The following RTN4RL1 variants were observed in gnomAD, a reference collection of about 807,000 sequenced individuals.
The protein encoded by RTN4RL1 is reticulon 4 receptor like 1.
Under a neutral mutation model 25.6 loss-of-function variants are expected in RTN4RL1, and 7 were observed. The ratio of observed to expected loss-of-function variants is 0.27; its 90% CI spans 0.16 to 0.51. The LOEUF (loss-of-function observed/expected upper bound fraction) is 0.51. Among genes scored for constraint, RTN4RL1 ranks in the 20% least tolerant of loss-of-function variants. RTN4RL1 has a pLI of 0.97. For synonymous variants in RTN4RL1, 297 were observed against 288.2 expected (o/e 1.03, Z -0.31); for missense variants, 500 against 615.6 (o/e 0.81, Z 1.99).
chr17:1,972,555 C>G (rs1156845330), intron 1 of RTN4RL1, among the ~76,000 whole-genome samples: 1 of 152,134 alleles, frequency 6.6e-6, no homozygotes, highest in Non-Finnish European at 1.5e-5. Flanking sequence ...AACGCCCTCT[C>G]TACCCTCTGT....
At position 2,009,674 on chromosome 17, in the gene RTN4RL1, T is replaced by C. The variant is rs962024761; in HGVS notation, c.13+15179A>G. Among the ~76,000 whole-genome samples the C allele has an allele frequency of 1.6e-5, 2 of 125,602 alleles. 1 individual carries two copies. The highest frequency in any genetic ancestry group is 3.3e-5 in the Non-Finnish European group (2 of 60,350). The allele number at this position is 125,602 out of a possible 152,430, so 82.4% of individuals were successfully genotyped here. ...CTGCAGCCTGGGCCACATAAACAGC[T>C]GAGAAAGAGAGGCATCTGACCCCGA... On this transcript the variant is annotated intron_variant, in intron 1 of 1. Transcript: ENST00000331238.
chr17:1,941,702 C>G (rs1319397775), intron 1 of RTN4RL1, among the ~76,000 whole-genome samples: 1 of 152,164 alleles, frequency 6.6e-6, no homozygotes, highest in East Asian at 1.9e-4. Flanking sequence ...CCAGGCACCC[C>G]TGCCCCTCCT....
intron 1 of RTN4RL1, among the ~76,000 whole-genome samples, chr17:1,971,939 G>A (rs1316837317): frequency 1.3e-4 from 16 of 121,414 alleles, no homozygotes; most frequent in Non-Finnish European, 2.4e-4. Context: ...TCCAGCCTGG[G>A]CGACAGAGCC....
At chr17:1,961,140 G>C (rs192857076) in intron 1 of RTN4RL1, among the ~76,000 whole-genome samples, 6 of 152,338 alleles carry the variant, frequency 3.9e-5, no homozygotes, top group Non-Finnish European at 8.8e-5. Context: ...TTTGTGGATT[G>C]AATGAGCCGG....
intron 1 of RTN4RL1, chr17:2,020,426 C>T (rs560232336): frequency 6.6e-6 from 1 of 152,296 alleles, no homozygotes; most frequent in African/African-American, 2.4e-5. Flanking sequence ...TGAAGACTCT[C>T]CAAACACCTA....
chr17:1,984,828 G>A (rs565417134), intron 1 of RTN4RL1, among the ~76,000 whole-genome samples: 30 of 152,238 alleles, frequency 2.0e-4, no homozygotes, highest in Non-Finnish European at 3.5e-4. Context: ...TTAGCCGGGC[G>A]TGGTAGCACA....
At chr17:1,973,691 C>T (rs1012008510) in intron 1 of RTN4RL1, among the ~76,000 whole-genome samples, 9 of 152,064 alleles carry the variant, frequency 5.9e-5, no homozygotes, top group African/African-American at 1.9e-4. Context: ...GGCCCCAGCC[C>T]CGCATGTTAG....
At chr17:1,944,238 C>T (rs1225054862) in intron 1 of RTN4RL1, among the ~76,000 whole-genome samples, 4 of 151,914 alleles carry the variant, frequency 2.6e-5, no homozygotes, top group East Asian at 1.9e-4. Context: ...TGTGTCCCCA[C>T]GCTTGTGTGA....
intron 1 of RTN4RL1, among the ~76,000 whole-genome samples, chr17:1,969,058 C>CCTTTTTT (rs2066805981): frequency 9.6e-6 from 1 of 103,892 alleles, no homozygotes; most frequent in African/African-American, 3.7e-5. Context: ...ACCACTGTCC[C>CCTTTTTT]TTTTTTTTTT....
chr17:2,015,778 C>T (rs561696000), intron 1 of RTN4RL1, among the ~76,000 whole-genome samples: 3 of 151,920 alleles, frequency 2.0e-5, no homozygotes, highest in South Asian at 2.1e-4. Context: ...GAGAGCCGAG[C>T]GGCCGCAAGG....
chr17:2,022,012 C>T (rs1221165709), intron 1 of RTN4RL1, among the ~76,000 whole-genome samples: 1 of 151,662 alleles, frequency 6.6e-6, no homozygotes, highest in Non-Finnish European at 1.5e-5. Context: ...GTGTATGCCA[C>T]TGCAAATTTT....
At chr17:2,004,894 A>G (rs1232656540) in intron 1 of RTN4RL1, among the ~76,000 whole-genome samples, 6 of 152,226 alleles carry the variant, frequency 3.9e-5, no homozygotes, top group Non-Finnish European at 8.8e-5. Context: ...CGGCACATGG[A>G]GCATGCCTGG....
intron 1 of RTN4RL1, among the ~76,000 whole-genome samples, chr17:2,008,903 C>T (rs979274639): frequency 1.3e-5 from 2 of 152,206 alleles, no homozygotes; most frequent in African/African-American, 2.4e-5. Context: ...TTTCACTTAT[C>T]CAGGGTGTGG....
chr17:2,017,228 A>G (rs2067135898), intron 1 of RTN4RL1, among the ~76,000 whole-genome samples: 1 of 152,148 alleles, frequency 6.6e-6, no homozygotes, highest in Non-Finnish European at 1.5e-5. Context: ...ACTTTCTACC[A>G]CCTCAGTGGG....
chr17:1,937,468 G>A lies in RTN4RL1; in HGVS notation c.354C>T (p.Pro118=), dbSNP rs772791071. 73 of 1,613,822 alleles carry A rather than the reference G, an allele frequency of 4.5e-5. No homozygotes were observed. The highest frequency in any genetic ancestry group is 6.0e-5 in the Non-Finnish European group (71 of 1,179,894). ...GDNRQLRTLA[P]ETFQGLVKLH... ...GCTTCACCAGGCCCTGGAAGGTCTC[G>A]GGTGCCAGCGTCCGCAGCTGCCGGT... is the stretch of plus-strand genomic sequence containing the variant. The change falls in exon 2 of 2, where the codon CCC becomes CCT. Residue 118 remains proline, a synonymous_variant. Coordinates refer to ENST00000331238, the MANE Select transcript of RTN4RL1 (RefSeq NM_178568.4).
At chr17:2,017,255 C>T (rs2067136442) in intron 1 of RTN4RL1, among the ~76,000 whole-genome samples, 1 of 152,188 alleles carries the variant, frequency 6.6e-6, no homozygotes, top group African/African-American at 2.4e-5. Flanking sequence ...GTTGGGAGCC[C>T]AGCTTTTGTC....
At chr17:2,023,089 C>T (rs1597263747) in intron 1 of RTN4RL1, among the ~76,000 whole-genome samples, 1 of 152,204 alleles carries the variant, frequency 6.6e-6, no homozygotes, top group East Asian at 1.9e-4. Flanking sequence ...TGCCAAAAGA[C>T]AAAAGACCAA....
intron 1 of RTN4RL1, among the ~76,000 whole-genome samples, chr17:1,993,927 G>A (rs1464184341): frequency 4.6e-5 from 7 of 152,114 alleles, no homozygotes; most frequent in East Asian, 3.8e-4. Flanking sequence ...ATTCACCACT[G>A]CCAAGGCTAT....
At chr17:1,965,195 T>A in intron 1 of RTN4RL1, among the ~76,000 whole-genome samples, 1 of 150,862 alleles carries the variant, frequency 6.6e-6, no homozygotes, top group East Asian at 2.0e-4. Flanking sequence ...CTGCAACCTC[T>A]GCCTCCCGGG....
Sources: allele counts gnomAD v4.1 joint callset (sites outside exome capture counted in the v4.1 genomes callset), GRCh38; gene constraint gnomAD v4.1.1; transcripts MANE v1.5; gene names NCBI Gene and HGNC (gene_info 2026-07-23, HGNC 2026-07-21).